The following DLC1 variants were observed in gnomAD, a reference collection of about 807,000 sequenced individuals.
DLC1 encodes the protein rho GTPase-activating protein 7.
A neutral mutation model predicts 140.3 loss-of-function variants in DLC1; 54 were observed. That is an observed-to-expected ratio of 0.38 (90% CI 0.31 to 0.48). DLC1 has a LOEUF of 0.48. DLC1 is among the 20% of genes least tolerant of loss of function. The probability of loss-of-function intolerance (pLI) is 0.96; values close to 1 mark genes in which losing one functional copy is unlikely to be tolerated. For synonymous variants in DLC1, 986 were observed against 728.1 expected, an observed-to-expected ratio of 1.35 and a Z score of -5.70; for missense variants, 2,536 against 1,907.0, an observed-to-expected ratio of 1.33 and a Z score of -6.14.
intron 2 of DLC1, among the ~76,000 whole-genome samples, chr8:13,423,269 G>T (rs564145431): frequency 7.9e-5 from 12 of 152,222 alleles, no homozygotes; most frequent in African/African-American, 1.2e-4. Context: ...TATATTGAAA[G>T]TGGAAAAATA....
Position 13,158,738 on chromosome 8 carries a change from CCCCCCCCCCG to C in DLC1, c.1349-43091_1349-43082del, listed in dbSNP as rs952930347. Among the ~76,000 whole-genome samples the C allele has an allele frequency of 3.2e-4, 29 of 90,288 alleles. 2 individuals carry two copies. Among genetic ancestry groups the C allele is most frequent in the Middle Eastern group, 4.2e-3 (1 of 236 alleles). The allele number at this position is 90,288 out of a possible 152,430, so 59.2% of individuals were successfully genotyped here. ...AATGTTCACAACCACCACCCTCCCC[CCCCCCCCCCG>C]CCCGCCACACATCTCTCCTCTTTTT... On this transcript the variant is annotated intron_variant, in intron 5 of 17. Transcript: ENST00000276297.
chr8:13,169,054 A>T lies in DLC1; in HGVS notation c.1349-53397T>A, dbSNP rs61505477. 3.5e-3 allele frequency among the ~76,000 whole-genome samples: 539 copies of T among 152,360 alleles called. 1 individual carries two copies. The highest frequency in any genetic ancestry group is 0.013 in the African/African-American group (525 of 41,584). On this transcript the variant is annotated intron_variant, in intron 5 of 17. Transcript: ENST00000276297. ...AGTTTATTATTCAGCCATAAATAGTACATAGGCATCTATCTTCATCTTCAC... is the reference window on the plus strand; with the variant it reads ...AGTTTATTATTCAGCCATAAATAGTTCATAGGCATCTATCTTCATCTTCAC...
chr8:13,534,631 G>T (rs75202232), intron 1 of DLC1, among the ~76,000 whole-genome samples: 1 of 152,056 alleles, frequency 6.6e-6, no homozygotes, highest in Non-Finnish European at 1.5e-5. Context: ...TAGGAAAAGC[G>T]CCACTGCTCC....
intron 5 of DLC1, among the ~76,000 whole-genome samples, chr8:13,262,589 T>C (rs1188280): frequency 0.41 from 62,569 of 152,004 alleles, 13,298 homozygotes; most frequent in East Asian, 0.79. Context: ...AGATGAGGCC[T>C]TGTCCTGGCA....
intron 4 of DLC1, among the ~76,000 whole-genome samples, chr8:13,380,260 C>G (rs554509575): frequency 2.0e-5 from 3 of 152,154 alleles, no homozygotes; most frequent in Non-Finnish European, 4.4e-5. Context: ...TTATTCTCCC[C>G]GGAAAACTAC....
chr8:13,501,266 A>G (rs2117209352), intron 1 of DLC1, among the ~76,000 whole-genome samples: 1 of 152,332 alleles, frequency 6.6e-6, no homozygotes, highest in East Asian at 1.9e-4. Flanking sequence ...AGCTTAGAAT[A>G]CAAACACATA....
At chr8:13,327,101 C>T (rs1833384451) in intron 4 of DLC1, among the ~76,000 whole-genome samples, 1 of 150,898 alleles carries the variant, frequency 6.6e-6, no homozygotes. Flanking sequence ...ACTATAGGCG[C>T]CCGCCACCAC....
intron 1 of DLC1, among the ~76,000 whole-genome samples, chr8:13,561,704 C>G (rs1368694599): frequency 2.0e-5 from 3 of 152,148 alleles, no homozygotes; most frequent in Non-Finnish European, 2.9e-5. Context: ...AATTTTATAT[C>G]ATGTAGGTAA....
intron 11 of DLC1, 31 bp from the exon 12 acceptor site, chr8:13,094,988 A>C: frequency 6.2e-7 from 1 of 1,614,066 alleles, no homozygotes. Flanking sequence ...AGTGTGGGGT[A>C]CATTCACGTG....
intron 3 of DLC1, among the ~76,000 whole-genome samples, chr8:13,394,958 A>G (rs992351014): frequency 6.6e-6 from 1 of 151,622 alleles, no homozygotes; most frequent in Non-Finnish European, 1.5e-5. Context: ...CCTCTATAAC[A>G]TATTCTCTAT....
intron 2 of DLC1, among the ~76,000 whole-genome samples, chr8:13,458,757 C>A (rs547193667): frequency 6.6e-6 from 1 of 152,044 alleles, no homozygotes; most frequent in Non-Finnish European, 1.5e-5. Flanking sequence ...GGGACACTGT[C>A]ACTACTGTCC....
chr8:13,318,990 T>C (rs1204041748), intron 4 of DLC1, among the ~76,000 whole-genome samples: 1 of 152,184 alleles, frequency 6.6e-6, no homozygotes, highest in Non-Finnish European at 1.5e-5. Flanking sequence ...TTGAGTGAGG[T>C]TAACTCCAAA....
intron 16 of DLC1, among the ~76,000 whole-genome samples, chr8:13,088,047 T>G (rs1030176518): frequency 6.6e-6 from 1 of 151,952 alleles, no homozygotes; most frequent in East Asian, 1.9e-4. Context: ...TTTTCCATAT[T>G]TGAAGGTGTT....
chr8:13,165,410 C>G (rs1052113604), intron 5 of DLC1, among the ~76,000 whole-genome samples: 1 of 152,198 alleles, frequency 6.6e-6, no homozygotes, highest in African/African-American at 2.4e-5. Flanking sequence ...AGGTAAATGA[C>G]ACGTGGACTG....
intron 4 of DLC1, among the ~76,000 whole-genome samples, chr8:13,350,302 A>AT (rs111766759): frequency 8.6e-4 from 126 of 145,986 alleles, no homozygotes; most frequent in South Asian, 2.0e-3. Context: ...CAGGTTTATC[A>AT]TTTTTTTTTT....
intron 5 of DLC1, among the ~76,000 whole-genome samples, chr8:13,173,756 C>G (rs1431207): frequency 0.26 from 38,997 of 152,138 alleles, 6,940 homozygotes; most frequent in African/African-American, 0.5. Context: ...CTACAGATTT[C>G]GAATGGTTTG....
chr8:13,352,837 T>C (rs1834737386), intron 4 of DLC1, among the ~76,000 whole-genome samples: 1 of 152,146 alleles, frequency 6.6e-6, no homozygotes, highest in Admixed American at 6.5e-5. Flanking sequence ...ACATTTACAA[T>C]ACTGAATGCA....
chr8:13,097,992 T>A (rs1041545825), intron 10 of DLC1, among the ~76,000 whole-genome samples: 4 of 128,090 alleles, frequency 3.1e-5, no homozygotes, highest in Non-Finnish European at 4.6e-5. Context: ...CAGACCAGCC[T>A]AGTTAACACG....
intron 2 of DLC1, among the ~76,000 whole-genome samples, chr8:13,477,434 T>C (rs1331305981): frequency 2.6e-5 from 4 of 152,214 alleles, no homozygotes; most frequent in Non-Finnish European, 5.9e-5. Flanking sequence ...ATTGTATTTC[T>C]ATAAGACTTT....
Sources: gnomAD v4.1 joint callset for allele counts (sites outside exome capture counted in the v4.1 genomes callset) on GRCh38, gnomAD v4.1.1 for gene constraint, MANE v1.5 for transcripts, NCBI Gene and HGNC (gene_info 2026-07-23, HGNC 2026-07-21) for gene names.